FBXW11: variants seen among roughly 807,000 people sequenced by gnomAD.
FBXW11 encodes the protein F-box and WD repeat domain containing 11, also known as F-box/WD repeat-containing protein 11.
Under a neutral mutation model 77.6 loss-of-function variants are expected in FBXW11, and 19 were observed. That is an observed-to-expected ratio of 0.24 (90% CI 0.17 to 0.36). FBXW11 has a LOEUF of 0.36. Among genes scored for constraint, FBXW11 ranks in the 10% least tolerant of loss-of-function variants. The probability of loss-of-function intolerance (pLI) is 1.00; values close to 1 mark genes in which losing one functional copy is unlikely to be tolerated. For synonymous variants in FBXW11, 235 were observed against 249.4 expected, an observed-to-expected ratio of 0.94 and a Z score of 0.54; for missense variants, 334 against 704.2, an observed-to-expected ratio of 0.47 and a Z score of 5.95.
At chr5:171,947,403 G>A (rs1393096051) in intron 2 of FBXW11, among the ~76,000 whole-genome samples, 1 of 152,100 alleles carries the variant, frequency 6.6e-6, no homozygotes, top group Non-Finnish European at 1.5e-5. Flanking sequence ...TAGATTAAAA[G>A]GCTTAAAGTC....
At chr5:171,894,333 C>T (rs956863211) in intron 6 of FBXW11, among the ~76,000 whole-genome samples, 1 of 152,194 alleles carries the variant, frequency 6.6e-6, no homozygotes, top group Non-Finnish European at 1.5e-5. Context: ...CTTAGCTTCT[C>T]AACACTTATA....
intron 2 of FBXW11, among the ~76,000 whole-genome samples, chr5:171,941,742 G>C (rs1762764262): frequency 6.6e-6 from 1 of 151,194 alleles, no homozygotes; most frequent in African/African-American, 2.4e-5. Flanking sequence ...TATTTCAATG[G>C]CTTGTTTACA....
chr5:171,925,987 C>T (rs1322529198), intron 2 of FBXW11, among the ~76,000 whole-genome samples: 2 of 152,148 alleles, frequency 1.3e-5, no homozygotes, highest in African/African-American at 2.4e-5. Flanking sequence ...TATATCTGTA[C>T]AATCTCATCT....
chr5:171,911,188 A>G (rs1211799502), intron 3 of FBXW11, among the ~76,000 whole-genome samples: 1 of 152,254 alleles, frequency 6.6e-6, no homozygotes, highest in African/African-American at 2.4e-5. Context: ...CAAAGTGGCA[A>G]CTGATTATTA....
intron 1 of FBXW11, among the ~76,000 whole-genome samples, chr5:171,969,431 T>TA (rs1202847638): frequency 6.6e-6 from 1 of 152,232 alleles, no homozygotes; most frequent in Non-Finnish European, 1.5e-5. Context: ...TCAGACTACA[T>TA]CATATTTCTA....
chr5:171,881,128 T>C (rs1362690048), intron 7 of FBXW11, among the ~76,000 whole-genome samples: 2 of 152,220 alleles, frequency 1.3e-5, no homozygotes, highest in Non-Finnish European at 2.9e-5. Context: ...GAGGTTTTTT[T>C]TGTTGATGCT....
At chr5:172,004,822 A>T (rs1766630835) in intron 1 of FBXW11, among the ~76,000 whole-genome samples, 2 of 151,938 alleles carry the variant, frequency 1.3e-5, no homozygotes, top group South Asian at 4.1e-4. Flanking sequence ...GCTGAAAAGG[A>T]AAAATCACTC....
chr5:171,934,889 G>A (rs977248717), intron 2 of FBXW11, among the ~76,000 whole-genome samples: 13 of 152,074 alleles, frequency 8.5e-5, no homozygotes, highest in Admixed American at 2.0e-4. Flanking sequence ...TAATCCAAGC[G>A]GTTCCTAGGG....
chr5:171,971,761 C>T (rs1391790010), intron 1 of FBXW11, among the ~76,000 whole-genome samples: 4 of 152,112 alleles, frequency 2.6e-5, no homozygotes, highest in Non-Finnish European at 5.9e-5. Flanking sequence ...GGAGGGTGGA[C>T]TGCTTGAGCA....
At chr5:171,920,433 A>AAC (rs1238962534) in intron 2 of FBXW11, among the ~76,000 whole-genome samples, 1 of 151,124 alleles carries the variant, frequency 6.6e-6, no homozygotes, top group Non-Finnish European at 1.5e-5. Context: ...AAAAAAAAAA[A>AAC]ACCCTGAAGG....
chr5:171,888,006 G>C (rs939478430), intron 7 of FBXW11, among the ~76,000 whole-genome samples: 3 of 152,040 alleles, frequency 2.0e-5, no homozygotes, highest in Admixed American at 6.5e-5. Context: ...GCAGGCCCTT[G>C]ACCAGGAAGC....
intron 1 of FBXW11, among the ~76,000 whole-genome samples, chr5:171,992,495 GAA>G (rs940323193): frequency 2.0e-4 from 30 of 150,054 alleles, no homozygotes; most frequent in African/African-American, 7.1e-4. Context: ...AAGGAAGAAA[GAA>G]AAGAGAGAGA....
In FBXW11 at chr5:171,876,377, G is replaced by A. The variant is rs776500801; in HGVS notation, c.1129C>T (p.Arg377Cys). 2 of 1,614,064 alleles carry A rather than the reference G, an allele frequency of 1.2e-6. No homozygotes were observed. The highest frequency in any genetic ancestry group is 1.7e-6 in the Non-Finnish European group (2 of 1,179,970). ...DMASATDITL[R>C]RVLVGHRAAV... is the part of the protein sequence containing the mutation. ...GCCCGGTGGCCAACCAGGACACGGC[G>A]TAAAGTGATGTCGGTCGCAGAAGCC... Residue 377 changes from arginine (R) to cysteine (C), a missense_variant, in exon 9 of 14, where the codon CGC becomes TGC. Arg to Cys is a radical substitution (Grantham distance 180). This residue lies in a region of FBXW11 where 50 missense variants were observed against 119.6 expected (regional missense o/e 0.42). Transcript: ENST00000517395. The surrounding 1 kb of genome is among the most constrained non-coding windows in gnomAD (Gnocchi z 4.2).
intron 11 of FBXW11, among the ~76,000 whole-genome samples, chr5:171,870,175 G>A (rs17074110): frequency 0.023 from 3,513 of 152,162 alleles, 130 homozygotes; most frequent in African/African-American, 0.08. Context: ...GAAATTCCAA[G>A]GATACCTTTC....
At chr5:171,941,640 T>C (rs958770066) in intron 2 of FBXW11, among the ~76,000 whole-genome samples, 1 of 151,744 alleles carries the variant, frequency 6.6e-6, no homozygotes, top group Non-Finnish European at 1.5e-5. Flanking sequence ...TTCGGTCAGC[T>C]TTACTTTCAA....
intron 2 of FBXW11, among the ~76,000 whole-genome samples, chr5:171,926,312 G>A (rs748799986): frequency 2.7e-4 from 41 of 152,176 alleles, no homozygotes; most frequent in Non-Finnish European, 4.0e-4. Context: ...GGTGAAAACA[G>A]GGCCTCCCTG....
chr5:172,004,555 T>C (rs947551425), intron 1 of FBXW11, among the ~76,000 whole-genome samples: 2 of 152,234 alleles, frequency 1.3e-5, no homozygotes, highest in Admixed American at 6.5e-5. Flanking sequence ...AACGTATTTC[T>C]TATAATTCTT....
intron 10 of FBXW11, 62 bp from the exon 11 acceptor site, chr5:171,870,920 G>GT (rs1757714423): frequency 9.4e-6 from 11 of 1,168,602 alleles, no homozygotes; most frequent in Admixed American, 5.3e-5. Context: ...CTATCCGTAA[G>GT]TTTTTTATAT....
chr5:171,988,050 G>C (rs567656623), intron 1 of FBXW11, among the ~76,000 whole-genome samples: 1 of 152,164 alleles, frequency 6.6e-6, no homozygotes, highest in Non-Finnish European at 1.5e-5. Context: ...AGGTCCCTTA[G>C]ATTTGGAAAA....
Sources: allele counts gnomAD v4.1 joint callset (sites outside exome capture counted in the v4.1 genomes callset), GRCh38; gene constraint gnomAD v4.1.1; regional missense constraint gnomAD v4.1.1; non-coding constraint Gnocchi (gnomAD v3.1); transcripts MANE v1.5; gene names NCBI Gene and HGNC (gene_info 2026-07-23, HGNC 2026-07-21).